Variants in CCDC73 observed in about 807,000 individuals in gnomAD.
CCDC73 encodes coiled-coil domain containing 73, also known as coiled-coil domain-containing protein 73.
A neutral mutation model predicts 116.5 loss-of-function variants in CCDC73; 95 were observed. The observed-to-expected ratio is 0.82, with a 90% CI of 0.69 to 0.97. The LOEUF is 0.97. Among genes scored for constraint, CCDC73 ranks in the 50% least tolerant of loss-of-function variants. CCDC73 has a pLI of 0.00. For synonymous variants in CCDC73, 398 were observed against 401.3 expected (o/e 0.99, Z 0.10); for missense variants, 1,066 against 1,206.8 (o/e 0.88, Z 1.73).
chr11:32,737,549 C>T (rs1850145926), intron 2 of CCDC73, among the ~76,000 whole-genome samples: 1 of 149,516 alleles, frequency 6.7e-6, no homozygotes, highest in South Asian at 2.1e-4. Flanking sequence ...ATCTGGGAGG[C>T]AGAGGTTGCC....
chr11:32,730,306 C>T (rs1850064221), intron 2 of CCDC73, among the ~76,000 whole-genome samples: 2 of 152,150 alleles, frequency 1.3e-5, no homozygotes, highest in Non-Finnish European at 2.9e-5. Context: ...ATTGCTATAG[C>T]TCTGTCTTTT....
At chr11:32,787,276 T>C (rs1051824976) in intron 1 of CCDC73, among the ~76,000 whole-genome samples, 2 of 152,168 alleles carry the variant, frequency 1.3e-5, no homozygotes, top group Non-Finnish European at 2.9e-5. Context: ...TCACACAGCA[T>C]GAAGCCATTT....
At chr11:32,683,265 T>C in intron 7 of CCDC73, 2 of 394,320 alleles carry the variant, frequency 5.1e-6, no homozygotes, top group South Asian at 4.8e-5. Context: ...CTCAAAAAGT[T>C]TCCAATTTTG....
intron 2 of CCDC73, among the ~76,000 whole-genome samples, chr11:32,731,521 G>A (rs546457132): frequency 4.6e-5 from 7 of 152,312 alleles, no homozygotes; most frequent in South Asian, 2.1e-4. Context: ...CCCAGTAGGC[G>A]CTAACTGACA....
chr11:32,675,870 A>G lies in CCDC73; in HGVS notation c.565+16T>C, dbSNP rs371203964. 1.3e-6 allele frequency: 2 copies of G among 1,564,762 alleles called. No individual in the cohort carries two copies. The highest frequency in any genetic ancestry group is 1.7e-6 in the Non-Finnish European group (2 of 1,154,992). The stretch of plus-strand genomic sequence containing the variant: ...TTCTCTACTGAATATGTATATTTAA[A>G]TAAGATAGCACATACCATTTTGTTC... On this transcript the variant is annotated intron_variant, in intron 8 of 17. Transcript: ENST00000335185.
intron 13 of CCDC73, among the ~76,000 whole-genome samples, chr11:32,640,578 G>C (rs1284097556): frequency 2.6e-5 from 4 of 152,096 alleles, no homozygotes; most frequent in Non-Finnish European, 5.9e-5. Flanking sequence ...TATGCTTGTT[G>C]CCTAATGATA....
chr11:32,604,467 T>A (rs1464627924), intron 17 of CCDC73: 1 of 152,180 alleles, frequency 6.6e-6, no homozygotes, highest in Non-Finnish European at 1.5e-5. Context: ...GGATAAGAAT[T>A]ACATTAAAAT....
intron 6 of CCDC73, among the ~76,000 whole-genome samples, chr11:32,687,658 A>G (rs1313887961): frequency 6.6e-6 from 1 of 152,176 alleles, no homozygotes; most frequent in Non-Finnish European, 1.5e-5. Flanking sequence ...ATATGTGTGT[A>G]TGTGTATATG....
chr11:32,719,409 G>A (rs930547126), intron 2 of CCDC73, among the ~76,000 whole-genome samples: 1 of 152,128 alleles, frequency 6.6e-6, no homozygotes, highest in African/African-American at 2.4e-5. Flanking sequence ...TAACAGCAAA[G>A]TCAGTAGCCA....
chr11:32,750,403 A>G (rs962439481), intron 2 of CCDC73, among the ~76,000 whole-genome samples: 2 of 152,194 alleles, frequency 1.3e-5, no homozygotes, highest in Admixed American at 6.5e-5. Flanking sequence ...TGGCAAAGCC[A>G]GGCAGTCTTG....
chr11:32,683,846 C>T (rs1299675599), intron 6 of CCDC73, among the ~76,000 whole-genome samples: 1 of 152,064 alleles, frequency 6.6e-6, no homozygotes, highest in Non-Finnish European at 1.5e-5. Context: ...AAAAGGTATG[C>T]ATGTTAGAGA....
At chr11:32,661,901 T>A (rs1337667102) in intron 9 of CCDC73, among the ~76,000 whole-genome samples, 3 of 152,054 alleles carry the variant, frequency 2.0e-5, no homozygotes, top group Non-Finnish European at 4.4e-5. Flanking sequence ...GTTCTCATTG[T>A]TCAATTCCCA....
In CCDC73 at chr11:32,717,605, T is replaced by C. The variant is rs150251137; in HGVS notation, c.207+471A>G. On this transcript the variant is annotated intron_variant, in intron 3 of 17. Transcript: ENST00000335185. ...AAAATAATCCACTAACACCTGAATA[T>C]GTTAGAAAATTTAAAAATTAACTTG... 4.9e-4 allele frequency among the ~76,000 whole-genome samples: 75 copies of C among 152,344 alleles called. 1 individual carries two copies. Among genetic ancestry groups the C allele is most frequent in the African/African-American group, 1.7e-3 (70 of 41,582 alleles).
chr11:32,786,819 T>A (rs2133403041), intron 1 of CCDC73, among the ~76,000 whole-genome samples: 1 of 152,238 alleles, frequency 6.6e-6, no homozygotes, highest in Non-Finnish European at 1.5e-5. Context: ...AATTACACTG[T>A]CATTCTACTT....
chr11:32,674,600 T>C (rs1856067950), intron 9 of CCDC73, among the ~76,000 whole-genome samples: 1 of 152,218 alleles, frequency 6.6e-6, no homozygotes, highest in Non-Finnish European at 1.5e-5. Flanking sequence ...CAGGTTTCTT[T>C]ATGTCATACC....
At chr11:32,606,757 A>C (rs1855356049) in intron 17 of CCDC73, among the ~76,000 whole-genome samples, 1 of 152,134 alleles carries the variant, frequency 6.6e-6, no homozygotes, top group African/African-American at 2.4e-5. Context: ...CATCTGTAAA[A>C]AAAATTACCT....
At chr11:32,746,558 T>C (rs898548532) in intron 2 of CCDC73, among the ~76,000 whole-genome samples, 5 of 152,220 alleles carry the variant, frequency 3.3e-5, no homozygotes, top group Admixed American at 3.3e-4. Context: ...CACTTTCAGG[T>C]ACACCAATCA....
chr11:32,743,395 A>G (rs1436948990), intron 2 of CCDC73, among the ~76,000 whole-genome samples: 1 of 152,050 alleles, frequency 6.6e-6, no homozygotes, highest in Non-Finnish European at 1.5e-5. Context: ...GTGTAGGTCC[A>G]CACAACTACA....
At chr11:32,816,940 C>T in the CCDC73 span, among the ~76,000 whole-genome samples, 255 of 152,246 alleles carry the variant, frequency 1.7e-3, no homozygotes, top group African/African-American at 5.8e-3. Flanking sequence ...CCTGCCACCA[C>T]GCCTGGCTAA....
Sources: allele counts gnomAD v4.1 joint callset (sites outside exome capture counted in the v4.1 genomes callset), GRCh38; gene constraint gnomAD v4.1.1; transcripts MANE v1.5; gene names NCBI Gene and HGNC (gene_info 2026-07-23, HGNC 2026-07-21).